BANF2: variants seen among roughly 807,000 people sequenced by gnomAD.
BANF2 encodes barrier-to-autointegration factor-like protein.
Under a neutral mutation model 8.0 loss-of-function variants are expected in BANF2, and 4 were observed. The ratio of observed to expected loss-of-function variants is 0.50; its 90% CI spans 0.25 to 1.14. BANF2 has a LOEUF of 1.14. Among genes scored for constraint, BANF2 ranks in the 50% most tolerant of loss-of-function variants. The pLI, the probability that BANF2 is intolerant of heterozygous loss-of-function variation, is 0.16. For synonymous variants in BANF2, 50 were observed against 40.6 expected, an observed-to-expected ratio of 1.23 and a Z score of -0.88; for missense variants, 96 against 107.5, an observed-to-expected ratio of 0.89 and a Z score of 0.47.
chr20:17,695,602 G>A (rs191297624), upstream of BANF2, among the ~76,000 whole-genome samples: 33 of 74,960 alleles, frequency 4.4e-4, no homozygotes, highest in Non-Finnish European at 7.7e-4. Context: ...AAAACCTAGG[G>A]TGTGTGTGTG....
At chr20:17,708,047 A>AAC (rs1648021190) in intron 1 of BANF2, among the ~76,000 whole-genome samples, 108 of 112,444 alleles carry the variant, frequency 9.6e-4, no homozygotes, top group Non-Finnish European at 1.4e-3. Context: ...ACTAAAAATC[A>AAC]AAAAAAAAAA....
chr20:17,730,561 G>A (rs895336082), intron 3 of BANF2, among the ~76,000 whole-genome samples: 1 of 152,174 alleles, frequency 6.6e-6, no homozygotes, highest in Middle Eastern at 3.4e-3. Flanking sequence ...GCTCTCTCTC[G>A]CATGCCGGCA....
In BANF2 at chr20:17,735,858, G is replaced by T. The variant is rs199599280; in HGVS notation, c.*47G>T. ...CCCACCACCCTCTGGGGAAAATGACGCCTTCTCCACCTATGCCCAGGCTCC... is the reference window on the plus strand; with the variant it reads ...CCCACCACCCTCTGGGGAAAATGACTCCTTCTCCACCTATGCCCAGGCTCC... On this transcript the variant is annotated 3_prime_UTR_variant, in exon 4 of 4. Coordinates refer to ENST00000246090, the MANE Select transcript of BANF2 (RefSeq NM_178477.5). The T allele has an allele frequency of 6.3e-7, 1 of 1,580,622 alleles. No individual in the cohort carries two copies. Among genetic ancestry groups the T allele is most frequent in the Non-Finnish European group, 8.6e-7 (1 of 1,156,182 alleles).
At chr20:17,704,519 C>T (rs1159534167) in intron 1 of BANF2, among the ~76,000 whole-genome samples, 1 of 152,174 alleles carries the variant, frequency 6.6e-6, no homozygotes, top group Admixed American at 6.5e-5. Context: ...AAGCATTACC[C>T]ACTGTTGCTG....
At chr20:17,699,403 C>T (rs1336244670), upstream of BANF2, among the ~76,000 whole-genome samples, 1 of 152,158 alleles carries the variant, frequency 6.6e-6, no homozygotes, top group African/African-American at 2.4e-5. Context: ...CTAAAAGACA[C>T]CTGTGTTGAA....
chr20:17,714,197 CA>C (rs11375517), intron 1 of BANF2, among the ~76,000 whole-genome samples: 860 of 75,272 alleles, frequency 0.011, 2 homozygotes, highest in African/African-American at 0.043. Flanking sequence ...GAGACTCTGT[CA>C]AAAAAAAAAA....
intron 1 of BANF2, among the ~76,000 whole-genome samples, chr20:17,717,280 C>G (rs2037668544): frequency 6.6e-6 from 1 of 152,018 alleles, no homozygotes; most frequent in South Asian, 2.1e-4. Context: ...CATGCTCTCC[C>G]CGCTGCTTGT....
intron 3 of BANF2, among the ~76,000 whole-genome samples, chr20:17,733,375 G>A (rs1298930297): frequency 6.6e-6 from 1 of 152,208 alleles, no homozygotes; most frequent in East Asian, 1.9e-4. Context: ...GCAGCACGTG[G>A]CCGACAGAAG....
At chr20:17,699,268 T>C (rs1227838904), upstream of BANF2, among the ~76,000 whole-genome samples, 1 of 152,226 alleles carries the variant, frequency 6.6e-6, no homozygotes, top group African/African-American at 2.4e-5. Context: ...TCTGGAAACA[T>C]TTTATACTTT....
intron 1 of BANF2, among the ~76,000 whole-genome samples, chr20:17,707,166 G>A (rs1000509363): frequency 2.6e-5 from 4 of 151,876 alleles, no homozygotes; most frequent in Non-Finnish European, 5.9e-5. Flanking sequence ...GGCAGATCAC[G>A]AGGTCAGGAG....
At chr20:17,717,292 G>A (rs561592146) in intron 1 of BANF2, among the ~76,000 whole-genome samples, 3 of 152,210 alleles carry the variant, frequency 2.0e-5, no homozygotes, top group African/African-American at 7.2e-5. Flanking sequence ...GCTGCTTGTT[G>A]CTACAAGACT....
intron 3 of BANF2, among the ~76,000 whole-genome samples, chr20:17,731,692 G>A (rs2037896295): frequency 7.1e-6 from 1 of 141,218 alleles, no homozygotes; most frequent in African/African-American, 2.7e-5. Flanking sequence ...GGAATTTATG[G>A]TTGCCAAGAG....
At position 17,735,662 on chromosome 20, in the gene BANF2, C is replaced by T; in HGVS notation, c.127-3C>T. 1 of 1,613,352 alleles carries T rather than the reference C, an allele frequency of 6.2e-7. No homozygotes were observed. The highest frequency in any genetic ancestry group is 8.5e-7 in the Non-Finnish European group (1 of 1,179,492). On this transcript the variant is annotated splice_region_variant and splice_polypyrimidine_tract_variant and intron_variant, in intron 3 of 3. Coordinates refer to ENST00000246090, the MANE Select transcript of BANF2 (RefSeq NM_178477.5). ...TTTCCTCCCTGTCTCATCCCCTCCCCAGGCCTACATCCTGCTGGGACAATT... is the reference window on the plus strand; with the variant it reads ...TTTCCTCCCTGTCTCATCCCCTCCCTAGGCCTACATCCTGCTGGGACAATT...
intron 1 of BANF2, among the ~76,000 whole-genome samples, chr20:17,708,315 G>A (rs995330671): frequency 1.3e-5 from 2 of 152,162 alleles, no homozygotes; most frequent in Admixed American, 1.3e-4. Flanking sequence ...TATGTGCAAG[G>A]GGGCATTTTT....
chr20:17,722,373 G>A (rs2037744998), intron 1 of BANF2, among the ~76,000 whole-genome samples: 1 of 152,222 alleles, frequency 6.6e-6, no homozygotes, highest in Non-Finnish European at 1.5e-5. Context: ...TGGCCAGCAT[G>A]GATAGTGAAT....
chr20:17,694,599 C>CTT lies in BANF2; in HGVS notation c.18+894_18+895insTT, dbSNP rs1256251082. ...AGGGGGCTATTTTTGTTTTTTCTCT[C>CTT]TCTTTTTTTTTTTTTTTTTTTTTTT... On this transcript the variant is annotated intron_variant, in intron 1 of 2. Transcript: ENST00000545418. Among the ~76,000 whole-genome samples, 168 of 82,756 alleles carry CTT rather than the reference C, an allele frequency of 2.0e-3. 6 individuals carry two copies. Among genetic ancestry groups the CTT allele is most frequent in the African/African-American group, 5.7e-3 (116 of 20,356 alleles). 54.3% of individuals were successfully genotyped at this position (82,756 alleles called of 152,430 possible).
At chr20:17,725,204 C>A in intron 3 of BANF2, 53 bp downstream of exon 3, 2 of 1,558,210 alleles carry the variant, frequency 1.3e-6, no homozygotes, top group South Asian at 1.1e-5. Context: ...TTTCTTCCCC[C>A]AGTCCTGCCA....
At chr20:17,709,833 G>A (rs542546600) in intron 1 of BANF2, among the ~76,000 whole-genome samples, 1 of 152,340 alleles carries the variant, frequency 6.6e-6, no homozygotes, top group African/African-American at 2.4e-5. Flanking sequence ...TGATCTTGGT[G>A]CGGAGCTTAG....
At chr20:17,725,232 C>T (rs775450081) in intron 3 of BANF2, 81 bp downstream of exon 3, 51 of 1,487,456 alleles carry the variant, frequency 3.4e-5, no homozygotes, top group Admixed American at 1.0e-4. Flanking sequence ...GTTCCTGCCA[C>T]GTGTCCCTGT....
Sources: allele counts gnomAD v4.1 joint callset (sites outside exome capture counted in the v4.1 genomes callset), GRCh38; gene constraint gnomAD v4.1.1; transcripts MANE v1.5; gene names NCBI Gene and HGNC (gene_info 2026-07-23, HGNC 2026-07-21).